Variants in SOX5 observed in about 807,000 individuals in gnomAD.
SOX5 encodes the protein SRY-box transcription factor 5.
A neutral mutation model predicts 92.0 loss-of-function variants in SOX5; 9 were observed. The observed-to-expected ratio is 0.10, with a 90% CI of 0.06 to 0.17. SOX5 has a LOEUF of 0.17. Ranked by LOEUF, SOX5 falls within the 10% of genes least tolerant of loss-of-function variation. The pLI is 1.00. For synonymous variants in SOX5, 344 were observed against 336.3 expected, an observed-to-expected ratio of 1.02 and a Z score of -0.25; for missense variants, 642 against 944.5, an observed-to-expected ratio of 0.68 and a Z score of 4.20.
At chr12:23,649,923 A>AT (rs2081342057) in intron 7 of SOX5, among the ~76,000 whole-genome samples, 3 of 152,290 alleles carry the variant, frequency 2.0e-5, no homozygotes, top group Non-Finnish European at 4.4e-5. Context: ...TCTTTCATCT[A>AT]CTGAACTAAT....
At chr12:23,882,258 C>T (rs1244039997) in intron 2 of SOX5, among the ~76,000 whole-genome samples, 1 of 151,480 alleles carries the variant, frequency 6.6e-6, no homozygotes, top group East Asian at 1.9e-4. Flanking sequence ...GCCTAAAAAG[C>T]AATAAACACG....
chr12:24,541,611 G>A (rs1419647082), intron 1 of SOX5, among the ~76,000 whole-genome samples: 4 of 152,164 alleles, frequency 2.6e-5, no homozygotes, highest in African/African-American at 9.7e-5. Context: ...AAGTAAAGAA[G>A]GATGTTTCAT....
At chr12:24,327,160 T>C (rs1035265655) in intron 2 of SOX5, among the ~76,000 whole-genome samples, 3 of 152,124 alleles carry the variant, frequency 2.0e-5, no homozygotes, top group Non-Finnish European at 2.9e-5. Flanking sequence ...CCTTTAATAT[T>C]ATATGACTGC....
intron 1 of SOX5, among the ~76,000 whole-genome samples, chr12:24,382,465 G>T (rs961118194): frequency 1.3e-5 from 2 of 152,040 alleles, no homozygotes; most frequent in African/African-American, 4.8e-5. Context: ...GGCGGAAGGG[G>T]AAGTCAGTGA....
rs910664225 is a variant in SOX5 at position 24,047,059 on chromosome 12, TTC to T, written c.-1-151037_-1-151036del. 1.1e-4 allele frequency among the ~76,000 whole-genome samples: 17 copies of T among 152,270 alleles called. 1 individual carries two copies. Among genetic ancestry groups the T allele is most frequent in the Middle Eastern group, 3.4e-3 (1 of 294 alleles). On this transcript the variant is annotated intron_variant, in intron 4 of 4. Transcript: ENST00000446891. The stretch of plus-strand genomic sequence containing the variant: ...AAATATTTCCTTTCCTTCTTATTTT[TTC>T]CCCCTTTGGAGGTACGAATAACACT...
Position 24,284,432 on chromosome 12 carries a change from T to TTGTGTGTGTG in SOX5, c.-173-7130_-173-7121dup, listed in dbSNP as rs59803171. ...TGTGGGAGGCACACGTTTTTTTTCT[T>TTGTGTGTGTG]TGTGTGTGTGTGTGTGTGTGTGCGT... On this transcript the variant is annotated intron_variant, in intron 2 of 4. Coordinates refer to the SOX5 transcript ENST00000446891. 8.3e-4 allele frequency among the ~76,000 whole-genome samples: 124 copies of TTGTGTGTGTG among 149,672 alleles called. 1 individual carries two copies. The highest frequency in any genetic ancestry group is 2.7e-3 in the African/African-American group (109 of 40,864).
chr12:24,473,599 T>A (rs117653259), intron 1 of SOX5, among the ~76,000 whole-genome samples: 1 of 152,208 alleles, frequency 6.6e-6, no homozygotes, highest in Non-Finnish European at 1.5e-5. Flanking sequence ...GTTTTTAGGT[T>A]TTTTTGCTCC....
chr12:23,728,256 A>G (rs2093244036), intron 6 of SOX5, among the ~76,000 whole-genome samples: 1 of 152,198 alleles, frequency 6.6e-6, no homozygotes, highest in African/African-American at 2.4e-5. Context: ...CTGTCCAGTT[A>G]TGATGTATTT....
chr12:24,354,529 T>A (rs1302078582), intron 2 of SOX5, among the ~76,000 whole-genome samples: 1 of 152,238 alleles, frequency 6.6e-6, no homozygotes, highest in Non-Finnish European at 1.5e-5. Context: ...ACAGAACATT[T>A]ACTGGAGCAG....
intron 4 of SOX5, among the ~76,000 whole-genome samples, chr12:24,036,801 T>C (rs1956084588): frequency 6.6e-6 from 1 of 152,184 alleles, no homozygotes; most frequent in African/African-American, 2.4e-5. Flanking sequence ...AATATTCACA[T>C]ATTGGATAAC....
At chr12:24,296,817 T>TAA in intron 2 of SOX5, among the ~76,000 whole-genome samples, 1 of 54,130 alleles carries the variant, frequency 1.8e-5, no homozygotes. Context: ...TACATTGTTC[T>TAA]TAAAAAAAAA....
At chr12:23,650,197 A>G (rs2081379656) in intron 7 of SOX5, among the ~76,000 whole-genome samples, 1 of 152,106 alleles carries the variant, frequency 6.6e-6, no homozygotes, top group South Asian at 2.1e-4. Context: ...GAAGAGTGTA[A>G]AAGTTATTCT....
At chr12:24,326,923 TC>T (rs1156292691) in intron 2 of SOX5, among the ~76,000 whole-genome samples, 1 of 152,082 alleles carries the variant, frequency 6.6e-6, no homozygotes, top group East Asian at 1.9e-4. Flanking sequence ...TCATCTGTCT[TC>T]CCCTCTTAGA....
At chr12:24,321,819 T>C (rs962500312) in intron 2 of SOX5, among the ~76,000 whole-genome samples, 2 of 152,150 alleles carry the variant, frequency 1.3e-5, no homozygotes, top group African/African-American at 4.8e-5. Flanking sequence ...AAACAGAAAT[T>C]AAGCGGGGGA....
chr12:24,228,441 T>G (rs1316837640), intron 3 of SOX5, among the ~76,000 whole-genome samples: 1 of 152,234 alleles, frequency 6.6e-6, no homozygotes, highest in Admixed American at 6.5e-5. Flanking sequence ...CTTATTTTTG[T>G]GACAACATTT....
At chr12:24,550,565 T>G (rs185839182) in intron 1 of SOX5, among the ~76,000 whole-genome samples, 245 of 152,318 alleles carry the variant, frequency 1.6e-3, no homozygotes, top group African/African-American at 5.7e-3. Flanking sequence ...CTAACCTCCA[T>G]GGCTAAATAC....
At chr12:23,841,510 C>T (rs2096515498) in intron 3 of SOX5, among the ~76,000 whole-genome samples, 2 of 151,998 alleles carry the variant, frequency 1.3e-5, no homozygotes, top group South Asian at 4.1e-4. Flanking sequence ...TTAATAGAAG[C>T]TTTATTCATA....
chr12:23,682,505 G>A (rs1024154586), intron 6 of SOX5, among the ~76,000 whole-genome samples: 1 of 151,774 alleles, frequency 6.6e-6, no homozygotes, highest in Non-Finnish European at 1.5e-5. Context: ...TCTCATTAAT[G>A]TGTGGGTGGT....
intron 1 of SOX5, among the ~76,000 whole-genome samples, chr12:24,556,707 T>C (rs1953819919): frequency 6.6e-6 from 1 of 152,244 alleles, no homozygotes; most frequent in Non-Finnish European, 1.5e-5. Context: ...ACCTATTATG[T>C]AGGGTAAAAA....
Sources: allele counts gnomAD v4.1 joint callset (sites outside exome capture counted in the v4.1 genomes callset), GRCh38; gene constraint gnomAD v4.1.1; transcripts MANE v1.5; gene names NCBI Gene and HGNC (gene_info 2026-07-23, HGNC 2026-07-21).